Variants in CLSTN2 observed in about 807,000 individuals in gnomAD.
CLSTN2 encodes the protein calsyntenin-2.
In CLSTN2, 48 loss-of-function variants were observed where a neutral mutation model predicts 101.2. The observed-to-expected ratio is 0.47, with a 90% CI of 0.38 to 0.60. The LOEUF is 0.60. Among genes scored for constraint, CLSTN2 ranks in the 20% least tolerant of loss-of-function variants. CLSTN2 has a pLI of 0.00. For missense variants in CLSTN2, 1,160 were observed against 1,238.2 expected (o/e 0.94, Z 0.95); for synonymous variants, 481 against 463.6 (o/e 1.04, Z -0.48).
chr3:140,058,405 G>A (rs1408950751), intron 1 of CLSTN2, among the ~76,000 whole-genome samples: 1 of 152,136 alleles, frequency 6.6e-6, no homozygotes, highest in African/African-American at 2.4e-5. Flanking sequence ...GGAAGACATG[G>A]CATGAGATGT....
intron 1 of CLSTN2, among the ~76,000 whole-genome samples, chr3:140,058,555 G>A (rs367554002): frequency 6.6e-6 from 1 of 152,170 alleles, no homozygotes; most frequent in Non-Finnish European, 1.5e-5. Context: ...TTTGGGAAGA[G>A]CTCTCAATTG....
chr3:140,427,862 T>C (rs2088589801), intron 5 of CLSTN2, among the ~76,000 whole-genome samples: 1 of 152,208 alleles, frequency 6.6e-6, no homozygotes, highest in Non-Finnish European at 1.5e-5. Context: ...CTGAGCACTA[T>C]ACAGTGAACC....
At chr3:140,564,314 G>A (rs112906977) in intron 16 of CLSTN2, among the ~76,000 whole-genome samples, 169 bp downstream of exon 16, 2,264 of 152,146 alleles carry the variant, frequency 0.015, 58 homozygotes, top group African/African-American at 0.05. Flanking sequence ...AGCCCTCTCA[G>A]CCTGAACAGA....
intron 2 of CLSTN2, among the ~76,000 whole-genome samples, chr3:140,401,322 T>C (rs972950697): frequency 3.9e-5 from 6 of 152,250 alleles, no homozygotes; most frequent in African/African-American, 1.4e-4. Flanking sequence ...AGGTAAGAAG[T>C]ACTTTAGGAT....
At chr3:140,250,257 C>T (rs979019476) in intron 2 of CLSTN2, among the ~76,000 whole-genome samples, 3 of 152,112 alleles carry the variant, frequency 2.0e-5, no homozygotes, top group Admixed American at 2.0e-4. Context: ...CACTCTGTGC[C>T]GAGCAACGTA....
chr3:140,415,358 G>A (rs1054625023), intron 4 of CLSTN2, among the ~76,000 whole-genome samples: 1 of 151,824 alleles, frequency 6.6e-6, no homozygotes, highest in Non-Finnish European at 1.5e-5. Context: ...AAACTAAAAA[G>A]CTCTGCATAG....
chr3:140,196,275 CAG>C (rs1238099846), intron 2 of CLSTN2, among the ~76,000 whole-genome samples: 18 of 152,164 alleles, frequency 1.2e-4, no homozygotes, highest in African/African-American at 4.3e-4. Flanking sequence ...AATCTCATGA[CAG>C]AGGAAGGCGG....
At chr3:140,131,286 A>G (rs2009519278) in intron 1 of CLSTN2, among the ~76,000 whole-genome samples, 1 of 134,304 alleles carries the variant, frequency 7.4e-6, no homozygotes, top group South Asian at 2.9e-4. Flanking sequence ...GAAGGTTGCA[A>G]AGAATGAGTT....
intron 1 of CLSTN2, among the ~76,000 whole-genome samples, chr3:140,045,077 A>G (rs1186461100): frequency 3.3e-5 from 5 of 152,024 alleles, no homozygotes; most frequent in Middle Eastern, 3.2e-3. Context: ...CTCTTTTTCT[A>G]TTGATTGGAA....
chr3:140,370,265 T>C (rs1335914360), intron 2 of CLSTN2, among the ~76,000 whole-genome samples: 1 of 152,108 alleles, frequency 6.6e-6, no homozygotes, highest in African/African-American at 2.4e-5. Flanking sequence ...TTGATTCTCA[T>C]GTCAGTCAAG....
chr3:140,303,536 C>T lies in CLSTN2; in HGVS notation c.233-100093C>T, dbSNP rs576272876. 5.3e-5 allele frequency among the ~76,000 whole-genome samples: 8 copies of T among 152,150 alleles called. No homozygotes were observed. The East Asian group carries it at 9.7e-4, about 18-fold the overall frequency. ...TTTTTTCCAAGCATAATTACAATAA[C>T]GTCCTTCAAACACAGAGGTCTCTAC... is the stretch of plus-strand genomic sequence containing the variant. On this transcript the variant is annotated intron_variant, in intron 2 of 16. Transcript: ENST00000458420.
chr3:140,414,039 T>A (rs967327532), intron 4 of CLSTN2, among the ~76,000 whole-genome samples: 5 of 152,094 alleles, frequency 3.3e-5, no homozygotes. Flanking sequence ...GTACTGAAAG[T>A]TCTATCCAGA....
intron 2 of CLSTN2, among the ~76,000 whole-genome samples, chr3:140,203,192 A>G (rs1375488052): frequency 6.6e-6 from 1 of 152,218 alleles, no homozygotes; most frequent in East Asian, 1.9e-4. Flanking sequence ...ATAGGGAGTG[A>G]TCAAGTGCTG....
At chr3:140,064,391 T>A (rs759310188) in intron 1 of CLSTN2, among the ~76,000 whole-genome samples, 2 of 152,178 alleles carry the variant, frequency 1.3e-5, no homozygotes, top group Non-Finnish European at 2.9e-5. Flanking sequence ...CTATAAAAAG[T>A]GGAGTAGAAT....
chr3:140,411,959 A>G (rs1341479221), intron 4 of CLSTN2, among the ~76,000 whole-genome samples: 1 of 152,218 alleles, frequency 6.6e-6, no homozygotes. Flanking sequence ...CAATGGGCCT[A>G]TGTTTTTACT....
At chr3:140,210,199 C>T (rs2010837240) in intron 2 of CLSTN2, among the ~76,000 whole-genome samples, 4 of 152,176 alleles carry the variant, frequency 2.6e-5, no homozygotes, top group Admixed American at 2.0e-4. Flanking sequence ...ACAAAGAACT[C>T]GCTGTTTGTG....
At position 139,955,112 on chromosome 3, in the gene CLSTN2, C is replaced by CTATATATACATATATA. The variant is rs1440167224; in HGVS notation, c.109+19637_109+19638insCATATATATATATATA. Among the ~76,000 whole-genome samples the CTATATATACATATATA allele has an allele frequency of 9.5e-4, 68 of 71,544 alleles. 2 individuals are homozygous for CTATATATACATATATA. The highest frequency in any genetic ancestry group is 3.8e-3 in the African/African-American group (68 of 17,860). 46.9% of individuals were successfully genotyped at this position (71,544 alleles called of 152,430 possible). A position where few individuals can be genotyped will look rare whatever the true frequency, so the allele number is the denominator to read the frequency against. On this transcript the variant is annotated intron_variant, in intron 1 of 16. Transcript: ENST00000458420. ...CATACATGTATATATGGCAATATTG[C>CTATATATACATATATA]TATATATATATATATATATATATAT...
At position 139,956,541 on chromosome 3, in the gene CLSTN2, G is replaced by A. The variant is rs192488307; in HGVS notation, c.109+21058G>A. The stretch of plus-strand genomic sequence containing the variant: ...GTTCTAGTTTATTGTGAAAGTATTG[G>A]TTTTGAAATTGAAACACAGAGGTCT... On this transcript the variant is annotated intron_variant, in intron 1 of 16. Transcript: ENST00000458420. 1.4e-4 allele frequency among the ~76,000 whole-genome samples: 21 copies of A among 152,270 alleles called. No homozygotes were observed. The East Asian group carries it at 4.1e-3, about 29-fold the overall frequency.
chr3:140,494,641 T>C (rs532151755), intron 8 of CLSTN2, among the ~76,000 whole-genome samples: 1 of 152,188 alleles, frequency 6.6e-6, no homozygotes, highest in Non-Finnish European at 1.5e-5. Flanking sequence ...CAGGTCCCAG[T>C]GTGTGTTGTG....
Sources: allele counts gnomAD v4.1 joint callset (sites outside exome capture counted in the v4.1 genomes callset), GRCh38; gene constraint gnomAD v4.1.1; transcripts MANE v1.5; gene names NCBI Gene and HGNC (gene_info 2026-07-23, HGNC 2026-07-21).